Variants in ADAM7 observed in about 807,000 individuals in gnomAD.
ADAM7 encodes ADAM metallopeptidase domain 7, also known as disintegrin and metalloproteinase domain-containing protein 7.
ADAM7 carries 97 observed loss-of-function variants against 102.9 expected under a neutral mutation model. The ratio of observed to expected loss-of-function variants is 0.94; its 90% confidence interval spans 0.80 to 1.12. ADAM7 has a LOEUF of 1.12. Ranked by LOEUF, ADAM7 falls within the 50% of genes most tolerant of loss-of-function variation. ADAM7 has a pLI of 0.00. For synonymous variants in ADAM7, 334 were observed against 304.4 expected (o/e 1.10, Z -1.01); for missense variants, 991 against 908.7 (o/e 1.09, Z -1.16).
intron 8 of ADAM7, among the ~76,000 whole-genome samples, chr8:24,477,296 C>T (rs1040755899): frequency 4.6e-5 from 7 of 152,126 alleles, no homozygotes; most frequent in East Asian, 1.9e-4. Context: ...TTACTATGCA[C>T]GGCTCACACT....
At chr8:24,469,643 T>C (rs7837711) in intron 7 of ADAM7, among the ~76,000 whole-genome samples, 3,837 of 152,166 alleles carry the variant, frequency 0.025, 173 homozygotes, top group African/African-American at 0.089. Flanking sequence ...TAAGCTCACC[T>C]GGAACTGTAA....
intron 3 of ADAM7, among the ~76,000 whole-genome samples, chr8:24,452,295 G>T (rs1818826904): frequency 6.7e-6 from 1 of 149,956 alleles, no homozygotes; most frequent in South Asian, 2.2e-4. Flanking sequence ...AAGTCTCTTT[G>T]CAGGTCACTC....
At chr8:24,454,370 C>T (rs1255523552) in intron 3 of ADAM7, among the ~76,000 whole-genome samples, 1 of 152,214 alleles carries the variant, frequency 6.6e-6, no homozygotes, top group Non-Finnish European at 1.5e-5. Flanking sequence ...GGCGCCCCTC[C>T]CCCAGCCTCG....
At chr8:24,476,697 G>A (rs957834565) in intron 8 of ADAM7, among the ~76,000 whole-genome samples, 193 bp downstream of exon 8, 1 of 152,142 alleles carries the variant, frequency 6.6e-6, no homozygotes, top group Non-Finnish European at 1.5e-5. Flanking sequence ...TTCGATGTAA[G>A]TGACATTTAA....
chr8:24,482,829 T>G (rs745474165), intron 9 of ADAM7, among the ~76,000 whole-genome samples: 2 of 152,144 alleles, frequency 1.3e-5, no homozygotes, highest in Non-Finnish European at 2.9e-5. Context: ...AAAGAAAAAA[T>G]CTGATATATT....
intron 3 of ADAM7, among the ~76,000 whole-genome samples, chr8:24,451,464 T>C (rs923593409): frequency 5.1e-4 from 78 of 152,208 alleles, no homozygotes; most frequent in Non-Finnish European, 1.1e-3. Flanking sequence ...TCTCTGATGG[T>C]AGTTTGTATT....
Position 24,507,477 on chromosome 8 carries a change from T to C in ADAM7, c.2209-3T>C, listed in dbSNP as rs751957196. 58 of 1,610,756 alleles carry C rather than the reference T, an allele frequency of 3.6e-5. No homozygotes were observed. Among genetic ancestry groups the C allele is most frequent in the Admixed American group, 1.2e-4 (7 of 59,886 alleles). ...ATGATACAACATAATTTATTTATTA[T>C]AGAAACCTGCAAGTAAAGATTCAAG... On this transcript the variant is annotated splice_region_variant and splice_polypyrimidine_tract_variant and intron_variant, in intron 20 of 21. Transcript: ENST00000175238.
chr8:24,492,701 G>A (rs185575749), intron 15 of ADAM7, 104 bp downstream of exon 15: 50 of 716,600 alleles, frequency 7.0e-5, no homozygotes, highest in South Asian at 2.9e-4. Flanking sequence ...TACTGAGACC[G>A]GGAGAAGAGG....
chr8:24,485,409 G>A lies in ADAM7; in HGVS notation c.960+48G>A, dbSNP rs116249853. On this transcript the variant is annotated intron_variant, in intron 10 of 21. Coordinates refer to ENST00000175238, the MANE Select transcript of ADAM7 (RefSeq NM_003817.4). ...TACTTAATAATGTTTGAATAAAATT[G>A]TTGTAATGTCCTGGGTTCCATGGAA... 1.3e-3 allele frequency: 1,948 copies of A among 1,548,388 alleles called. 22 individuals are homozygous for A. The African/African-American group carries it at 0.024, about 19-fold the overall frequency.
chr8:24,483,709 T>C (rs964019408), intron 9 of ADAM7, among the ~76,000 whole-genome samples: 1 of 152,118 alleles, frequency 6.6e-6, no homozygotes, highest in Non-Finnish European at 1.5e-5. Context: ...CCCAAAATCA[T>C]GGGGAATGGA....
In ADAM7 at chr8:24,491,976, C is replaced by T. The variant is rs149854879; in HGVS notation, c.1430C>T (p.Ser477Leu). Residue 477 changes from serine to leucine, a missense_variant, in exon 14 of 22, where the codon TCG (serine) becomes TTG (leucine). Ser to Leu is a moderately radical substitution (Grantham distance 145). Coordinates refer to ENST00000175238, the MANE Select transcript of ADAM7 (RefSeq NM_003817.4). ...CDFPEMCTGH[S>L]PACPKDQFRV... ...TTTCCTGAGATGTGCACTGGCCACT[C>T]GCCTGCCTGTCCTAAGGACCAGTTC... 24 of 1,613,902 alleles carry T rather than the reference C, an allele frequency of 1.5e-5. No individual in the cohort carries two copies. The highest frequency in any genetic ancestry group is 3.3e-4 in the Middle Eastern group (2 of 6,058).
At chr8:24,455,145 T>C (rs1818982376) in intron 3 of ADAM7, among the ~76,000 whole-genome samples, 1 of 152,128 alleles carries the variant, frequency 6.6e-6, no homozygotes, top group Admixed American at 6.5e-5. Context: ...AAGTTTACTA[T>C]GATAAAATTT....
rs542744453 is a variant in ADAM7 at position 24,451,598 on chromosome 8, C to A, written c.233+4336C>A. ...AATTTTGTTGATCCTTTCAAAAAACCAGCTCCTGGATTCATTAATTTTTTG... is the reference window on the plus strand; with the variant it reads ...AATTTTGTTGATCCTTTCAAAAAACAAGCTCCTGGATTCATTAATTTTTTG... On this transcript the variant is annotated intron_variant, in intron 3 of 21. Transcript: ENST00000175238. Among the ~76,000 whole-genome samples, 304 of 152,088 alleles carry A rather than the reference C, an allele frequency of 2.0e-3. 1 individual carries two copies. The highest frequency in any genetic ancestry group is 6.9e-3 in the African/African-American group (287 of 41,490).
rs115478709 is a variant in ADAM7, at chr8:24,490,641, C to T, written c.1267-158C>T. 8.9e-4 allele frequency: 581 copies of T among 651,056 alleles called. 3 individuals are homozygous for T. In the African/African-American group the frequency reaches 9.7e-3, roughly 11 times the overall value. The allele number at this position is 651,056 out of a possible 1,614,324, so 40.3% of individuals were successfully genotyped here. A position where few individuals can be genotyped will look rare whatever the true frequency, so the allele number is the denominator to read the frequency against. ...GGAGAAATAGTTAAAGTCCCAAATACCCGTTCTAAACAGTAATCTTTATGT... is the reference window on the plus strand; with the variant it reads ...GGAGAAATAGTTAAAGTCCCAAATATCCGTTCTAAACAGTAATCTTTATGT... On this transcript the variant is annotated intron_variant, in intron 12 of 21. Coordinates refer to ENST00000175238, the MANE Select transcript of ADAM7 (RefSeq NM_003817.4).
At chr8:24,446,725 A>G (rs969181233) in intron 2 of ADAM7, among the ~76,000 whole-genome samples, 2 of 151,802 alleles carry the variant, frequency 1.3e-5, no homozygotes, top group African/African-American at 4.8e-5. Flanking sequence ...ATGCGTGAAC[A>G]GGATATCTGT....
In ADAM7 at chr8:24,466,958, T is replaced by A; in HGVS notation, c.549T>A (p.Asp183Glu). ...TTACCAGAAAAACTGTTCCAGGGGATAATGAATCTGAAGAAGACTCCAAAA... is the reference window on the plus strand; with the variant it reads ...TTACCAGAAAAACTGTTCCAGGGGAAAATGAATCTGAAGAAGACTCCAAAA... The part of the protein sequence containing the change: ...LNFTRKTVPG[D>E]NESEEDSKIK... Residue 183 changes from aspartate (D) to glutamate (E), a missense_variant, in exon 6 of 22, where the codon GAT becomes GAA. Physicochemically the swap from Asp to Glu is conservative, Grantham distance 45. Coordinates refer to ENST00000175238, the MANE Select transcript of ADAM7 (RefSeq NM_003817.4). The A allele has an allele frequency of 6.2e-7, 1 of 1,614,036 alleles. No homozygotes were observed. Among genetic ancestry groups the A allele is most frequent in the Non-Finnish European group, 8.5e-7 (1 of 1,179,956 alleles).
At chr8:24,463,751 A>T in intron 3 of ADAM7, 131 bp from the exon 4 acceptor site, 1 of 671,866 alleles carries the variant, frequency 1.5e-6, no homozygotes, top group Non-Finnish European at 2.5e-6. Flanking sequence ...ATTTTGCTTT[A>T]CTATTTCTAG....
rs1052455448 is a variant in ADAM7, at chr8:24,508,639, C to T, written c.*93C>T. 16 of 1,595,000 alleles carry T rather than the reference C, an allele frequency of 1.0e-5. No individual in the cohort carries two copies. The highest frequency in any genetic ancestry group is 1.4e-5 in the Non-Finnish European group (16 of 1,168,734). ...CAACCTTACCTAGATATCTGCTACT[C>T]ACATTTTTGGTAGTGTTTCAAACGT... On this transcript the variant is annotated 3_prime_UTR_variant, in exon 22 of 22. Transcript: ENST00000175238.
intron 9 of ADAM7, among the ~76,000 whole-genome samples, chr8:24,484,754 GT>G (rs1398438153): frequency 5.3e-5 from 7 of 130,938 alleles, no homozygotes; most frequent in Non-Finnish European, 5.0e-5. Flanking sequence ...GTATTTTTTT[GT>G]TTTTTGTTTT....
Sources: allele counts gnomAD v4.1 joint callset (sites outside exome capture counted in the v4.1 genomes callset), GRCh38; gene constraint gnomAD v4.1.1; transcripts MANE v1.5; gene names NCBI Gene and HGNC (gene_info 2026-07-23, HGNC 2026-07-21).